The following SYCP2L variants were observed in gnomAD, a reference collection of about 807,000 sequenced individuals.
SYCP2L encodes synaptonemal complex protein 2 like.
SYCP2L carries 98 observed loss-of-function variants against 125.8 expected under a neutral mutation model. That is an observed-to-expected ratio of 0.78 (90% confidence interval 0.66 to 0.92). The LOEUF (loss-of-function observed/expected upper bound fraction) is 0.92. SYCP2L is among the 40% of genes least tolerant of loss of function. The pLI is 0.00. For missense variants in SYCP2L, 842 were observed against 936.4 expected (o/e 0.90, Z 1.32); for synonymous variants, 317 against 325.4 (o/e 0.97, Z 0.28).
chr6:10,895,772 G>A (rs1780248333), intron 4 of SYCP2L, among the ~76,000 whole-genome samples: 2 of 152,062 alleles, frequency 1.3e-5, no homozygotes, highest in African/African-American at 4.8e-5. Context: ...ACAGGCGTGA[G>A]CTCCCGCGCC....
At chr6:10,963,868 C>A in intron 29 of SYCP2L, 25 bp downstream of exon 29, 1 of 1,580,778 alleles carries the variant, frequency 6.3e-7, no homozygotes, top group South Asian at 1.1e-5. Flanking sequence ...TTGCATTGTT[C>A]AGTGGATGTG....
intron 23 of SYCP2L, among the ~76,000 whole-genome samples, chr6:10,945,772 A>T (rs1781305793): frequency 3.5e-3 from 1 of 284 alleles, no homozygotes; most frequent in South Asian, 0.25. Context: ...TCCATCTTAA[A>T]AAAAAAAAAA....
chr6:10,901,612 T>TG (rs796477542), intron 6 of SYCP2L, among the ~76,000 whole-genome samples: 4 of 152,328 alleles, frequency 2.6e-5, no homozygotes, highest in African/African-American at 9.6e-5. Context: ...GCGGCATCCT[T>TG]GGCCTCTACC....
intron 12 of SYCP2L, among the ~76,000 whole-genome samples, chr6:10,911,480 A>G (rs1447029150): frequency 1.3e-5 from 2 of 152,182 alleles, no homozygotes; most frequent in African/African-American, 4.8e-5. Flanking sequence ...GTCCTCATTC[A>G]TGATTTCTTT....
chr6:10,907,892 GT>G lies in SYCP2L; in HGVS notation c.819+226del, dbSNP rs551103839. On this transcript the variant is annotated intron_variant, in intron 10 of 29. Transcript: ENST00000283141. The stretch of plus-strand genomic sequence containing the variant: ...GAGCTAGATATAGGGATACAGATAG[GT>G]TTTTTTTTTTTTTTTTTGACAGAGT... 7.7e-3 allele frequency among the ~76,000 whole-genome samples: 707 copies of G among 91,920 alleles called. 44 individuals carry two copies. The highest frequency in any genetic ancestry group is 0.027 in the African/African-American group (647 of 24,138). The allele number at this position is 91,920 out of a possible 152,430, so 60.3% of individuals were successfully genotyped here. A position where few individuals can be genotyped will look rare whatever the true frequency, so the allele number is the denominator to read the frequency against.
chr6:10,906,153 T>C, intron 9 of SYCP2L, 99 bp downstream of exon 9: 2 of 684,700 alleles, frequency 2.9e-6, no homozygotes, highest in East Asian at 5.3e-5. Context: ...TATGGTTAAA[T>C]TGAAGATAGG....
chr6:10,955,097 G>A lies in SYCP2L; in HGVS notation c.1955-19G>A, dbSNP rs769664934. The A allele has an allele frequency of 5.6e-5, 87 of 1,554,188 alleles. No homozygotes were observed. Among genetic ancestry groups the A allele is most frequent in the Non-Finnish European group, 7.5e-5 (85 of 1,126,910 alleles). On this transcript the variant is annotated intron_variant, in intron 23 of 29. Coordinates refer to ENST00000283141, the MANE Select transcript of SYCP2L (RefSeq NM_001040274.3). ...AGATAATTTCGGGTCAAAAGGAAAT[G>A]TGCTCTGTTTGCCTGTAGACATACC...
chr6:10,965,466 G>T (rs1161187876), intron 29 of SYCP2L, among the ~76,000 whole-genome samples: 1 of 152,228 alleles, frequency 6.6e-6, no homozygotes, highest in African/African-American at 2.4e-5. Flanking sequence ...TTAACTGGCA[G>T]ATGTCTGTGC....
At chr6:10,958,323 G>T (rs1781539639) in intron 25 of SYCP2L, among the ~76,000 whole-genome samples, 1 of 152,122 alleles carries the variant, frequency 6.6e-6, no homozygotes, top group Non-Finnish European at 1.5e-5. Context: ...TTTACTCATG[G>T]TGGAAGGCCA....
intron 8 of SYCP2L, among the ~76,000 whole-genome samples, chr6:10,904,372 G>A (rs1175194545): frequency 6.6e-6 from 1 of 152,182 alleles, no homozygotes; most frequent in African/African-American, 2.4e-5. Flanking sequence ...GGACATCATG[G>A]TGGCACATTA....
At position 10,926,399 on chromosome 6, in the gene SYCP2L, A is replaced by G. The variant is rs201556360; in HGVS notation, c.1279A>G (p.Arg427Gly). The change falls in exon 16 of 30, where the codon AGG (arginine) becomes GGG (glycine). Residue 427 changes from arginine to glycine, a missense_variant. Physicochemically the swap from Arg to Gly is moderately radical, Grantham distance 125 (BLOSUM62 -2). Coordinates refer to ENST00000283141, the MANE Select transcript of SYCP2L (RefSeq NM_001040274.3). Reference sequence around the variant, plus strand: ...TTTTAGTAAGTCTGATAAAGAAGACAGGGAGAGTCCCAGTGGCCTTGAAAG... The same window carrying G: ...TTTTAGTAAGTCTGATAAAGAAGACGGGGAGAGTCCCAGTGGCCTTGAAAG... ...ELFSKSDKED[R>G]ESPSGLERET... 3 of 1,613,938 alleles carry G rather than the reference A, an allele frequency of 1.9e-6. No individual in the cohort carries two copies.
intron 28 of SYCP2L, among the ~76,000 whole-genome samples, chr6:10,962,272 A>ACCTATGCATATATTCCTATGCATATATT (rs147622191): frequency 0.23 from 34,769 of 148,904 alleles, 4,211 homozygotes; most frequent in South Asian, 0.26. Flanking sequence ...TCTTCCTAAA[A>ACCTATGCATATATTCCTATGCATATATT]CCTATGCATA....
rs1366632675 is a variant in SYCP2L at position 10,954,098 on chromosome 6, C to T, written c.1955-1018C>T. On this transcript the variant is annotated intron_variant, in intron 23 of 29. Coordinates refer to ENST00000283141, the MANE Select transcript of SYCP2L (RefSeq NM_001040274.3). This position sits in a 1 kb window ranked among gnomAD's most constrained non-coding sequence, Gnocchi z 4.8. ...TGCCTCTCGCACATAGTAACGTCCA[C>T]ATATTCATGGAATGAATTAGTGAAA... Among the ~76,000 whole-genome samples the T allele has an allele frequency of 6.6e-6, 1 of 152,148 alleles. No individual in the cohort carries two copies. Among genetic ancestry groups the T allele is most frequent in the African/African-American group, 2.4e-5 (1 of 41,426 alleles).
At chr6:10,941,602 C>A (rs1468392330) in intron 21 of SYCP2L, among the ~76,000 whole-genome samples, 1 of 152,204 alleles carries the variant, frequency 6.6e-6, no homozygotes, top group East Asian at 1.9e-4. Flanking sequence ...CAATGAGATA[C>A]CATCTCACAC....
intron 29 of SYCP2L, among the ~76,000 whole-genome samples, chr6:10,969,497 AC>A (rs1337893887): frequency 8.6e-5 from 13 of 150,898 alleles, no homozygotes; most frequent in Non-Finnish European, 1.6e-4. Context: ...AGTAGCTGGG[AC>A]TACAGGCGCC....
chr6:10,963,144 G>C (rs183235157), intron 28 of SYCP2L, among the ~76,000 whole-genome samples: 12 of 152,254 alleles, frequency 7.9e-5, no homozygotes, highest in African/African-American at 2.9e-4. Flanking sequence ...ATCTCCCTTT[G>C]ATAACAGGTC....
intron 29 of SYCP2L, among the ~76,000 whole-genome samples, chr6:10,968,422 G>C (rs973331561): frequency 1.8e-4 from 27 of 152,174 alleles, no homozygotes; most frequent in African/African-American, 6.5e-4. Flanking sequence ...TCAGCAGGGA[G>C]GTTTCTGTGA....
intron 23 of SYCP2L, among the ~76,000 whole-genome samples, chr6:10,953,487 G>C (rs1781446451): frequency 6.6e-6 from 1 of 152,066 alleles, no homozygotes; most frequent in African/African-American, 2.4e-5. Flanking sequence ...TCTAAAGCTT[G>C]TGATGTTTCT....
intron 14 of SYCP2L, among the ~76,000 whole-genome samples, chr6:10,919,668 C>T (rs556277303): frequency 6.6e-6 from 1 of 152,102 alleles, no homozygotes; most frequent in South Asian, 2.1e-4. Flanking sequence ...CTTCAGTTAC[C>T]AGGATAGGTA....
Sources: allele counts gnomAD v4.1 joint callset (sites outside exome capture counted in the v4.1 genomes callset), GRCh38; gene constraint gnomAD v4.1.1; non-coding constraint Gnocchi (gnomAD v3.1); transcripts MANE v1.5; gene names NCBI Gene and HGNC (gene_info 2026-07-23, HGNC 2026-07-21).